INF2: variants seen among roughly 807,000 people sequenced by gnomAD.
INF2 encodes inverted formin 2, also known as inverted formin-2.
INF2 carries 43 observed loss-of-function variants against 123.5 expected under a neutral mutation model. The observed-to-expected ratio is 0.35, with a 90% confidence interval of 0.27 to 0.45. The LOEUF (loss-of-function observed/expected upper bound fraction) is 0.45, where lower values mean the gene tolerates loss of function less well. Among genes scored for constraint, INF2 ranks in the 20% least tolerant of loss-of-function variants. The pLI is 1.00. For missense variants in INF2, 1,453 were observed against 1,682.7 expected (o/e 0.86, Z 2.39); for synonymous variants, 851 against 745.0 (o/e 1.14, Z -2.32).
Position 104,712,968 on chromosome 14 carries a change from G to A in INF2, c.2751G>A (p.Arg917=), listed in dbSNP as rs1890121634. 3 of 1,612,502 alleles carry A rather than the reference G, an allele frequency of 1.9e-6. No homozygotes were observed. Among genetic ancestry groups the A allele is most frequent in the Middle Eastern group, 1.7e-4 (1 of 6,056 alleles). The part of the protein sequence containing the change: ...EDTFSTMKAF[R]DLFLRALKEN... ...CGTTCAGCACCATGAAGGCTTTCCGGGACCTTTTCCTCCGCGCCCTGAAGG... is the reference window on the plus strand; with the variant it reads ...CGTTCAGCACCATGAAGGCTTTCCGAGACCTTTTCCTCCGCGCCCTGAAGG... The change falls in exon 18 of 23, where the codon CGG becomes CGA. Residue 917 remains arginine, a synonymous_variant. Transcript: ENST00000392634.
upstream of INF2, among the ~76,000 whole-genome samples, chr14:104,688,573 G>A (rs542219506): frequency 2.0e-5 from 3 of 152,254 alleles, no homozygotes; most frequent in South Asian, 6.2e-4. Context: ...GCCCTTACGG[G>A]TACTTATTCT....
chr14:104,719,014 AC>A lies in INF2; in HGVS notation c.*223del. ...CCTGCCAGGCCTGGTGCCCTCCTGG[AC>A]CGCCTGCACGTGCCAGCCTCCCACC... On this transcript the variant is annotated 3_prime_UTR_variant, in exon 23 of 23. Coordinates refer to ENST00000392634, the MANE Select transcript of INF2 (RefSeq NM_022489.4). 8.9e-7 allele frequency: 1 copy of A among 1,129,010 alleles called. No homozygotes were observed. The highest frequency in any genetic ancestry group is 1.2e-6 in the Non-Finnish European group (1 of 836,576). The allele number at this position is 1,129,010 out of a possible 1,614,324, so 69.9% of individuals were successfully genotyped here. A position where few individuals can be genotyped will look rare whatever the true frequency, so the allele number is the denominator to read the frequency against.
chr14:104,711,389 C>T (rs1417948181), intron 15 of INF2, among the ~76,000 whole-genome samples: 3 of 152,162 alleles, frequency 2.0e-5, no homozygotes, highest in Non-Finnish European at 4.4e-5. Context: ...GCACTGGCTC[C>T]CCTGCACGAG....
chr14:104,703,205 C>T lies in INF2; in HGVS notation c.492C>T (p.Ala164=). 2 of 1,613,416 alleles carry T rather than the reference C, an allele frequency of 1.2e-6. No homozygotes were observed. Among genetic ancestry groups the T allele is most frequent in the Non-Finnish European group, 1.7e-6 (2 of 1,179,918 alleles). The change falls in exon 3 of 23, where the codon GCC becomes GCT. Residue 164 remains alanine (A), a synonymous_variant. Transcript: ENST00000392634. ...AGGGCCACGTGCTGACCCTGGACGC[C>T]CTGGACCACTACAAGGTGGGCGGCA... ...SPEGHVLTLD[A]LDHYKTVCSQ... is the part of the protein sequence containing the mutation.
intron 1 of INF2, 23 bp from the exon 2 acceptor site, chr14:104,701,334 G>T (rs902515366): frequency 1.3e-6 from 2 of 1,552,144 alleles, no homozygotes; most frequent in Non-Finnish European, 1.7e-6. Context: ...CCCCGCTGAC[G>T]GCTCCCTGCC....
intron 1 of INF2, among the ~76,000 whole-genome samples, chr14:104,683,258 G>A (rs893326375): frequency 7.2e-5 from 11 of 152,120 alleles, no homozygotes; most frequent in African/African-American, 1.7e-4. Flanking sequence ...TGACCCCTCC[G>A]TGGCTTCCTG....
intron 6 of INF2, 103 bp from the exon 7 acceptor site, chr14:104,706,807 T>C: frequency 7.6e-7 from 1 of 1,322,262 alleles, no homozygotes; most frequent in Non-Finnish European, 1.0e-6. Flanking sequence ...TCCGTGGGAA[T>C]AGAGGGGGTG....
chr14:104,705,148 G>T (rs1329190827), intron 5 of INF2, among the ~76,000 whole-genome samples: 1 of 152,214 alleles, frequency 6.6e-6, no homozygotes, highest in Non-Finnish European at 1.5e-5. Flanking sequence ...CAGGCGCGGT[G>T]GCTCACGCCT....
chr14:104,707,690 C>A lies in INF2; in HGVS notation c.1423C>A (p.Pro475Thr). ...GGGGGCCATGGCCCCCCCAGCACCT[C>A]CTCTACCACCACCCCTGCCAGGCTC... ...GLGAMAPPAP[P>T]LPPPLPGSCE... The change falls in exon 8 of 23, where the codon CCT becomes ACT. Residue 475 changes from proline (P) to threonine (T), a missense_variant. Pro to Thr is a conservative substitution (Grantham distance 38, BLOSUM62 -1). Coordinates refer to ENST00000392634, the MANE Select transcript of INF2 (RefSeq NM_022489.4). 1 of 1,048,138 alleles carries A rather than the reference C, an allele frequency of 9.5e-7. No individual in the cohort carries two copies. Among genetic ancestry groups the A allele is most frequent in the Non-Finnish European group, 1.4e-6 (1 of 712,412 alleles). 64.9% of individuals were successfully genotyped at this position (1,048,138 alleles called of 1,614,324 possible).
At chr14:104,711,447 T>C (rs1232161022) in intron 15 of INF2, among the ~76,000 whole-genome samples, 182 bp from the exon 16 acceptor site, 2 of 152,024 alleles carry the variant, frequency 1.3e-5, no homozygotes, top group Non-Finnish European at 2.9e-5. Context: ...GGACAGTCCC[T>C]AGGAAAAGCA....
Position 104,719,017 on chromosome 14 carries a change from G to T in INF2, c.*224G>T. On this transcript the variant is annotated 3_prime_UTR_variant, in exon 23 of 23. Transcript: ENST00000392634. Reference sequence around the variant, plus strand: ...GCCAGGCCTGGTGCCCTCCTGGACCGCCTGCACGTGCCAGCCTCCCACCTG... The same window carrying T: ...GCCAGGCCTGGTGCCCTCCTGGACCTCCTGCACGTGCCAGCCTCCCACCTG... 9.4e-7 allele frequency: 1 copy of T among 1,066,784 alleles called. No individual in the cohort carries two copies. Among genetic ancestry groups the T allele is most frequent in the South Asian group, 2.0e-5 (1 of 51,058 alleles). The allele number at this position is 1,066,784 out of a possible 1,614,324, so 66.1% of individuals were successfully genotyped here. A position where few individuals can be genotyped will look rare whatever the true frequency, so the allele number is the denominator to read the frequency against.
At position 104,706,470 on chromosome 14, in the gene INF2, C is replaced by T. The variant is rs147294109; in HGVS notation, c.843+294C>T. Among the ~76,000 whole-genome samples the T allele has an allele frequency of 0.017, 2,594 of 152,314 alleles. 34 individuals carry two copies. Among genetic ancestry groups the T allele is most frequent in the Non-Finnish European group, 0.026 (1,794 of 68,002 alleles). On this transcript the variant is annotated intron_variant, in intron 6 of 22. Transcript: ENST00000392634. ...AAGACCAGTGCGGCCCACAGCCGGC[C>T]TTACTGTCCTGGGCCCCAGCTGCCC...
chr14:104,689,624 A>C lies in INF2; in HGVS notation c.-125A>C. Reference sequence around the variant, plus strand: ...CCCCGCCCGCCCCGCGCCCGCCAGGAGCCACCGTCCGAGCCTTGCGGAGCG... The same window carrying C: ...CCCCGCCCGCCCCGCGCCCGCCAGGCGCCACCGTCCGAGCCTTGCGGAGCG... On this transcript the variant is annotated 5_prime_UTR_variant, in exon 1 of 23. Transcript: ENST00000392634. 4.1e-6 allele frequency: 2 copies of C among 492,732 alleles called. No individual in the cohort carries two copies. The highest frequency in any genetic ancestry group is 5.2e-6 in the Non-Finnish European group (2 of 385,692). The allele number at this position is 492,732 out of a possible 1,614,324, so 30.5% of individuals were successfully genotyped here.
In INF2 at chr14:104,703,393, C is replaced by T. The variant is rs898025681; in HGVS notation, c.606C>T (p.Asn202=). The T allele has an allele frequency of 5.6e-6, 9 of 1,612,866 alleles. No individual in the cohort carries two copies. The highest frequency in any genetic ancestry group is 2.7e-5 in the African/African-American group (2 of 74,948). ...PYVVTLLSVI[N]AVILGPEDLR... is the part of the protein sequence containing the mutation. ...TGGTCACCCTGCTTAGCGTGATCAACGCCGTCATCTTGGGCCCCGAGGACC... is the reference window on the plus strand; with the variant it reads ...TGGTCACCCTGCTTAGCGTGATCAATGCCGTCATCTTGGGCCCCGAGGACC... The change falls in exon 4 of 23, where the codon AAC becomes AAT. Residue 202 remains asparagine (N), a synonymous_variant. Coordinates refer to ENST00000392634, the MANE Select transcript of INF2 (RefSeq NM_022489.4).
At chr14:104,709,224 C>T in intron 10 of INF2, 57 bp from the exon 11 acceptor site, 1 of 1,379,102 alleles carries the variant, frequency 7.3e-7, no homozygotes, top group South Asian at 1.2e-5. Flanking sequence ...CCCAAAGAGG[C>T]TGGGTGGGGG....
chr14:104,697,894 G>GGA (rs1008178192), intron 1 of INF2, among the ~76,000 whole-genome samples: 1 of 152,206 alleles, frequency 6.6e-6, no homozygotes, highest in African/African-American at 2.4e-5. Context: ...TGCCGGGGGG[G>GGA]GTGGATGGGA....
rs750808868 is a variant in INF2 at position 104,706,050 on chromosome 14, C to T, written c.717C>T (p.Ala239=). The T allele has an allele frequency of 4.3e-6, 7 of 1,612,056 alleles. No homozygotes were observed. Among genetic ancestry groups the T allele is most frequent in the Non-Finnish European group, 5.1e-6 (6 of 1,179,644 alleles). ...VLARLRDLED[A]DLLIQLEAFE... is the part of the protein sequence containing the mutation. ...TCCTGCACAGAGACCTGGAGGATGC[C>T]GACCTGCTGATCCAGCTGGAGGCTT... The change falls in exon 6 of 23, where the codon GCC becomes GCT. Residue 239 remains alanine, a synonymous_variant. Coordinates refer to ENST00000392634, the MANE Select transcript of INF2 (RefSeq NM_022489.4).
In INF2 at chr14:104,712,721, C is replaced by T; in HGVS notation, c.2611-107C>T. Reference sequence around the variant, plus strand: ...CCTGCTCCTTGTCAGAGACCACCGTCCTCAGGGCCTGTCCCTGTGGCCGTC... The same window carrying T: ...CCTGCTCCTTGTCAGAGACCACCGTTCTCAGGGCCTGTCCCTGTGGCCGTC... On this transcript the variant is annotated intron_variant, in intron 17 of 22. Transcript: ENST00000392634. 11 of 1,471,590 alleles carry T rather than the reference C, an allele frequency of 7.5e-6. No individual in the cohort carries two copies. In the South Asian group the frequency reaches 7.8e-5, roughly 10 times the overall value. The allele number at this position is 1,471,590 out of a possible 1,614,324, so 91.2% of individuals were successfully genotyped here.
chr14:104,693,195 G>A lies in INF2; in HGVS notation c.-10+3456G>A, dbSNP rs930816569. ...CCCTGTGCTCCCGTGCTGTGACAGCGTTATACCACCCCACCTGCTTCCTGT... is the reference window on the plus strand; with the variant it reads ...CCCTGTGCTCCCGTGCTGTGACAGCATTATACCACCCCACCTGCTTCCTGT... On this transcript the variant is annotated intron_variant, in intron 1 of 22. Transcript: ENST00000392634. Among the ~76,000 whole-genome samples, 12 of 152,230 alleles carry A rather than the reference G, an allele frequency of 7.9e-5. No individual in the cohort carries two copies. In the East Asian group the frequency reaches 2.1e-3, roughly 27 times the overall value.
Sources: allele counts gnomAD v4.1 joint callset (sites outside exome capture counted in the v4.1 genomes callset), GRCh38; gene constraint gnomAD v4.1.1; transcripts MANE v1.5; gene names NCBI Gene and HGNC (gene_info 2026-07-23, HGNC 2026-07-21).